Variants in DLG2 observed in about 807,000 individuals in gnomAD.
DLG2 encodes the protein disks large homolog 2.
Under a neutral mutation model 132.5 loss-of-function variants are expected in DLG2, and 45 were observed. The ratio of observed to expected loss-of-function variants is 0.34; its 90% CI spans 0.27 to 0.44. The LOEUF (loss-of-function observed/expected upper bound fraction) is 0.44, where lower values mean the gene tolerates loss of function less well. Among genes scored for constraint, DLG2 ranks in the 20% least tolerant of loss-of-function variants. The probability of loss-of-function intolerance (pLI) is 1.00; values close to 1 mark genes in which losing one functional copy is unlikely to be tolerated. For synonymous variants in DLG2, 424 were observed against 419.6 expected, an observed-to-expected ratio of 1.01 and a Z score of -0.13; for missense variants, 1,045 against 1,196.9, an observed-to-expected ratio of 0.87 and a Z score of 1.87.
rs192540352 is a variant in DLG2, at chr11:84,985,258, T to C, written c.357+126403A>G. ...CTGAGCCTCAATAAATTTAAGAAAA[T>C]TGAAATTATATCAAGCATGGTCTCA... On this transcript the variant is annotated intron_variant, in intron 6 of 27. Transcript: ENST00000376104. 1.1e-3 allele frequency among the ~76,000 whole-genome samples: 167 copies of C among 152,004 alleles called. 2 individuals carry two copies. Among genetic ancestry groups the C allele is most frequent in the African/African-American group, 3.6e-3 (150 of 41,424 alleles).
intron 4 of DLG2, among the ~76,000 whole-genome samples, chr11:85,212,151 AAAG>A (rs1301384114): frequency 6.6e-6 from 1 of 152,220 alleles, no homozygotes; most frequent in East Asian, 1.9e-4. Context: ...CTTTACAAAT[AAAG>A]AAGAGTAGTA....
intron 6 of DLG2, among the ~76,000 whole-genome samples, chr11:84,880,637 G>A (rs960095797): frequency 2.6e-5 from 4 of 152,068 alleles, no homozygotes; most frequent in Non-Finnish European, 4.4e-5. Context: ...CATGTTATAA[G>A]TACTTCAAAT....
chr11:85,317,774 G>A (rs1392199317), intron 3 of DLG2, among the ~76,000 whole-genome samples: 1 of 151,914 alleles, frequency 6.6e-6, no homozygotes, highest in Non-Finnish European at 1.5e-5. Context: ...AAGGGTAGGA[G>A]GAGGGAAAGG....
intron 19 of DLG2, among the ~76,000 whole-genome samples, chr11:83,582,597 C>A (rs1471621007): frequency 1.3e-5 from 2 of 152,192 alleles, no homozygotes; most frequent in African/African-American, 2.4e-5. Flanking sequence ...CCTGCATAGG[C>A]CATCCCCATT....
chr11:84,896,664 CAT>C (rs2090227974), intron 6 of DLG2, among the ~76,000 whole-genome samples: 1 of 151,866 alleles, frequency 6.6e-6, no homozygotes, highest in South Asian at 2.1e-4. Flanking sequence ...TTTTGTATTC[CAT>C]GGTGTCAGTT....
intron 6 of DLG2, among the ~76,000 whole-genome samples, chr11:85,050,259 G>T (rs1177826345): frequency 6.6e-6 from 1 of 151,924 alleles, no homozygotes; most frequent in Admixed American, 6.6e-5. Context: ...CTAATAGGCT[G>T]CTGTCCTATG....
At chr11:83,623,898 T>C (rs1241539481) in intron 19 of DLG2, among the ~76,000 whole-genome samples, 2 of 150,952 alleles carry the variant, frequency 1.3e-5, no homozygotes, top group African/African-American at 5.0e-5. Context: ...TTCTGTGTCT[T>C]ACTTTTTACT....
At chr11:84,159,993 C>G (rs983815125) in intron 9 of DLG2, among the ~76,000 whole-genome samples, 1 of 152,144 alleles carries the variant, frequency 6.6e-6, no homozygotes, top group African/African-American at 2.4e-5. Context: ...AATATTAGGG[C>G]AGCAGTTACT....
intron 3 of DLG2, among the ~76,000 whole-genome samples, chr11:85,585,543 T>C (rs966820523): frequency 6.6e-6 from 1 of 152,226 alleles, no homozygotes; most frequent in African/African-American, 2.4e-5. Flanking sequence ...TAATGTTTGC[T>C]GTTGATTTGT....
intron 8 of DLG2, among the ~76,000 whole-genome samples, chr11:84,226,512 A>C (rs2096997016): frequency 6.6e-6 from 1 of 152,226 alleles, no homozygotes; most frequent in Admixed American, 6.5e-5. Context: ...CAGGACTTTA[A>C]ATTGCAAATA....
chr11:84,727,051 G>A (rs969894168), intron 6 of DLG2, among the ~76,000 whole-genome samples: 1 of 152,162 alleles, frequency 6.6e-6, no homozygotes. Context: ...TAGGTTGCCT[G>A]TTCACTCTGA....
intron 6 of DLG2, among the ~76,000 whole-genome samples, chr11:85,046,108 C>G (rs912795776): frequency 6.6e-6 from 1 of 152,018 alleles, no homozygotes; most frequent in African/African-American, 2.4e-5. Flanking sequence ...AACCCCCTTT[C>G]TATTTCTTGG....
At chr11:84,166,602 C>T (rs1020866582) in intron 8 of DLG2, among the ~76,000 whole-genome samples, 12 of 151,188 alleles carry the variant, frequency 7.9e-5, no homozygotes, top group African/African-American at 2.9e-4. Flanking sequence ...AACGAATATA[C>T]CAGTACAGTA....
rs114457702 is a variant in DLG2 at position 83,747,487 on chromosome 11, C to A, written c.1825+39203G>T. Reference sequence around the variant, plus strand: ...GGCTCAAGCCATCCTCCCACCTCAGCCTTTCCAGTAGCTGGGACTACAGGT... The same window carrying A: ...GGCTCAAGCCATCCTCCCACCTCAGACTTTCCAGTAGCTGGGACTACAGGT... On this transcript the variant is annotated intron_variant, in intron 18 of 27. Coordinates refer to ENST00000376104, the MANE Select transcript of DLG2 (RefSeq NM_001142699.3). Among the ~76,000 whole-genome samples, 1,354 of 152,090 alleles carry A rather than the reference C, an allele frequency of 8.9e-3. 20 individuals are homozygous for A. Among genetic ancestry groups the A allele is most frequent in the African/African-American group, 0.031 (1,294 of 41,472 alleles).
At chr11:84,013,001 TG>T (rs1236410950) in intron 11 of DLG2, among the ~76,000 whole-genome samples, 9 of 152,288 alleles carry the variant, frequency 5.9e-5, no homozygotes, top group Non-Finnish European at 8.8e-5. Context: ...GAGAATAAGC[TG>T]GGTTGTCTGT....
At chr11:84,971,688 G>A (rs575483231) in intron 6 of DLG2, among the ~76,000 whole-genome samples, 3 of 152,036 alleles carry the variant, frequency 2.0e-5, no homozygotes. Context: ...GTTTAAAAGG[G>A]TAATTCTTTG....
intron 11 of DLG2, among the ~76,000 whole-genome samples, chr11:84,029,323 A>T (rs760019124): frequency 2.3e-4 from 35 of 152,242 alleles, no homozygotes; most frequent in Admixed American, 1.7e-3. Flanking sequence ...TGTAAATAAG[A>T]TCAATGTTCA....
At chr11:83,604,525 T>A (rs1166615804) in intron 19 of DLG2, among the ~76,000 whole-genome samples, 3 of 152,114 alleles carry the variant, frequency 2.0e-5, no homozygotes. Flanking sequence ...AATTTCAGGG[T>A]TTTTTAGGGT....
chr11:84,952,385 C>G (rs1457112161), intron 6 of DLG2, among the ~76,000 whole-genome samples: 1 of 152,010 alleles, frequency 6.6e-6, no homozygotes, highest in South Asian at 2.1e-4. Context: ...GGCGCAGTGG[C>G]GGGCGCCTGT....
Sources: gnomAD v4.1 joint callset for allele counts (sites outside exome capture counted in the v4.1 genomes callset) on GRCh38, gnomAD v4.1.1 for gene constraint, MANE v1.5 for transcripts, NCBI Gene and HGNC (gene_info 2026-07-23, HGNC 2026-07-21) for gene names.